The following GABRD variants were observed in gnomAD, a reference collection of about 807,000 sequenced individuals.
GABRD encodes the protein gamma-aminobutyric acid receptor subunit delta.
A neutral mutation model predicts 47.3 loss-of-function variants in GABRD; 25 were observed. The ratio of observed to expected loss-of-function variants is 0.53; its 90% CI spans 0.39 to 0.74. The LOEUF (loss-of-function observed/expected upper bound fraction) is 0.74. Among genes scored for constraint, GABRD ranks in the 30% least tolerant of loss-of-function variants. The pLI, the probability that GABRD is intolerant of heterozygous loss-of-function variation, is 0.00. For synonymous variants in GABRD, 314 were observed against 278.8 expected (o/e 1.13, Z -1.26); for missense variants, 497 against 643.4 (o/e 0.77, Z 2.46).
In GABRD at chr1:2,029,123, C is replaced by T; in HGVS notation, c.704C>T (p.Pro235Leu). The change falls in exon 7 of 9, where the codon CCA becomes CTA. Residue 235 changes from proline (P) to leucine (L), a missense_variant. By Grantham distance (98) the Pro-to-Leu change is moderately conservative (BLOSUM62 -3). Transcript: ENST00000378585. The stretch of plus-strand genomic sequence containing the variant: ...GCTGTCCTGGCAGCTGGCCAGTTCC[C>T]ACGGCTCAGCCTGCACTTCCACCTG... ...LMNFKSAGQF[P>L]RLSLHFHLRR... The T allele has an allele frequency of 6.5e-7, 1 of 1,542,452 alleles. No individual in the cohort carries two copies. The highest frequency in any genetic ancestry group is 8.7e-7 in the Non-Finnish European group (1 of 1,146,942).
chr1:2,021,292 G>A (rs553640291), intron 1 of GABRD, among the ~76,000 whole-genome samples: 5 of 152,312 alleles, frequency 3.3e-5, no homozygotes, highest in East Asian at 1.9e-4. Context: ...TGCTCTTGGC[G>A]TCTAGGGGCA....
rs934943057 is a variant in GABRD, at chr1:2,028,374, C to T, written c.691+82C>T. 92 of 1,317,294 alleles carry T rather than the reference C, an allele frequency of 7.0e-5. No homozygotes were observed. The highest frequency in any genetic ancestry group is 3.5e-4 in the Admixed American group (9 of 25,530). The allele number at this position is 1,317,294 out of a possible 1,614,324, so 81.6% of individuals were successfully genotyped here. ...CACCGCCCCTTCCGCGCGCGCCCACCGCCCCTTCCGCGTGCGCCCGCCTGT... is the reference window on the plus strand; with the variant it reads ...CACCGCCCCTTCCGCGCGCGCCCACTGCCCCTTCCGCGTGCGCCCGCCTGT... On this transcript the variant is annotated intron_variant, in intron 6 of 8. Coordinates refer to ENST00000378585, the MANE Select transcript of GABRD (RefSeq NM_000815.5). This position sits in a 1 kb window ranked among gnomAD's most constrained non-coding sequence, Gnocchi z 6.4.
chr1:2,027,116 T>C (rs1658949270), intron 4 of GABRD: 1 of 285,592 alleles, frequency 3.5e-6, no homozygotes, highest in Non-Finnish European at 6.7e-6. Context: ...TGAGTCAAGA[T>C]TGCACCACTG....
At chr1:2,019,795 C>T (rs1181826670) in intron 1 of GABRD, among the ~76,000 whole-genome samples, 1 of 152,154 alleles carries the variant, frequency 6.6e-6, no homozygotes, top group African/African-American at 2.4e-5. Flanking sequence ...TCCCCTGCTC[C>T]GCGGCGCGCG....
rs539396639 is a variant in GABRD at position 2,030,015 on chromosome 1, C to T, written c.1092C>T (p.Ser364=). 2 of 1,612,746 alleles carry T rather than the reference C, an allele frequency of 1.2e-6. No individual in the cohort carries two copies. Among genetic ancestry groups the T allele is most frequent in the East Asian group, 2.2e-5 (1 of 44,882 alleles). The change falls in exon 9 of 9, where the codon TCC becomes TCT. Residue 364 remains serine (S), a synonymous_variant. Coordinates refer to ENST00000378585, the MANE Select transcript of GABRD (RefSeq NM_000815.5). ...TGAGGAACGCCATTGTCCTCTTCTC[C>T]CTCTCTGCTGCCGGCGTCACGCAGG... The part of the protein sequence containing the change: ...MDVRNAIVLF[S]LSAAGVTQEL...
At chr1:2,022,403 C>T (rs141315001) in intron 1 of GABRD, 5,479 of 152,436 alleles carry the variant, frequency 0.036, 226 homozygotes, top group Admixed American at 0.12. Flanking sequence ...TGAGAAATGG[C>T]GTGGGGGTGG....
In GABRD at chr1:2,028,326, C is replaced by T. The variant is rs1311068731; in HGVS notation, c.691+34C>T. 6.3e-7 allele frequency: 1 copy of T among 1,587,604 alleles called. No homozygotes were observed. The highest frequency in any genetic ancestry group is 1.4e-5 in the African/African-American group (1 of 73,990). ...TGCCCGCCGCCCCTTCCGCATGTGC[C>T]CGCCGCCCCTTCCGCGCGCGCCCAC... On this transcript the variant is annotated intron_variant, in intron 6 of 8. Coordinates refer to ENST00000378585, the MANE Select transcript of GABRD (RefSeq NM_000815.5). This position sits in a 1 kb window ranked among gnomAD's most constrained non-coding sequence, Gnocchi z 6.4.
chr1:2,019,889 G>T (rs1464247588), intron 1 of GABRD, among the ~76,000 whole-genome samples: 1 of 152,194 alleles, frequency 6.6e-6, no homozygotes, highest in Non-Finnish European at 1.5e-5. Flanking sequence ...AACTCGGTGC[G>T]GGGAGGCTGC....
chr1:2,027,198 G>T, intron 4 of GABRD: 1 of 337,316 alleles, frequency 3.0e-6, no homozygotes, highest in South Asian at 2.5e-5. Flanking sequence ...TTTTACATAG[G>T]AATTTAAATA....
chr1:2,025,792 C>A, intron 4 of GABRD, 54 bp downstream of exon 4: 1 of 1,532,152 alleles, frequency 6.5e-7, no homozygotes, highest in Non-Finnish European at 9.0e-7. Context: ...GGCCAAGCGT[C>A]GGCGCCTGGA....
Position 2,028,942 on chromosome 1 carries a change from G to T in GABRD, c.692-169G>T, listed in dbSNP as rs1021816965. The T allele has an allele frequency of 8.8e-6, 7 of 793,964 alleles. 1 individual carries two copies. The South Asian group carries it at 1.1e-4, about 12-fold the overall frequency. 49.2% of individuals were successfully genotyped at this position (793,964 alleles called of 1,614,324 possible). ...CTGTCCTGTGGCCAGACCTAGGGCC[G>T]GAGGCCCCCTGACATTTCAGGCCAT... is the stretch of plus-strand genomic sequence containing the variant. On this transcript the variant is annotated intron_variant, in intron 6 of 8. Coordinates refer to ENST00000378585, the MANE Select transcript of GABRD (RefSeq NM_000815.5). This position sits in a 1 kb window ranked among gnomAD's most constrained non-coding sequence, Gnocchi z 6.4.
At chr1:2,025,158 C>G (rs1193848612) in intron 2 of GABRD, 104 bp downstream of exon 2, 1 of 1,279,846 alleles carries the variant, frequency 7.8e-7, no homozygotes, top group South Asian at 1.3e-5. Context: ...GCAAGGAAGC[C>G]TGGCTCTCCC....
intron 1 of GABRD, among the ~76,000 whole-genome samples, chr1:2,021,359 C>T (rs185596832): frequency 1.3e-5 from 2 of 152,274 alleles, no homozygotes; most frequent in Admixed American, 6.5e-5. Context: ...TAGGGGCCAC[C>T]TTCAGACTTA....
chr1:2,027,167 A>G, intron 4 of GABRD: 1 of 328,218 alleles, frequency 3.0e-6, no homozygotes, highest in Non-Finnish European at 5.9e-6. Flanking sequence ...TGTCTCATAA[A>G]CAAACAAAAA....
chr1:2,029,343 G>T (rs1373301656), intron 7 of GABRD, 77 bp downstream of exon 7: 4 of 1,494,170 alleles, frequency 2.7e-6, no homozygotes, highest in Non-Finnish European at 3.6e-6. Context: ...CCTCGGCTGG[G>T]GGCTCAGCAC....
At chr1:2,019,857 T>G (rs1324199539) in intron 1 of GABRD, among the ~76,000 whole-genome samples, 1 of 152,114 alleles carries the variant, frequency 6.6e-6, no homozygotes, top group Admixed American at 6.5e-5. Flanking sequence ...GGCGGGTGCC[T>G]TGAGGAGAGG....
chr1:2,027,558 G>GC lies in GABRD; in HGVS notation c.471-17dup. 6.2e-7 allele frequency: 1 copy of GC among 1,609,646 alleles called. No homozygotes were observed. The highest frequency in any genetic ancestry group is 8.5e-7 in the Non-Finnish European group (1 of 1,177,612). The stretch of plus-strand genomic sequence containing the variant: ...CTGGCCTCACCCCCAAGGCCTCACT[G>GC]CCATGCTTGTCTTGGCAGAATCACC... On this transcript the variant is annotated intron_variant, in intron 4 of 8. Transcript: ENST00000378585.
intron 7 of GABRD, 97 bp from the exon 8 acceptor site, chr1:2,029,454 G>T: frequency 6.6e-7 from 1 of 1,525,528 alleles, no homozygotes; most frequent in Non-Finnish European, 8.9e-7. Context: ...TGGGGGTGGG[G>T]GGCAGCGGAC....
Position 2,028,165 on chromosome 1 carries a change from A to G in GABRD, c.564A>G (p.Ser188=), listed in dbSNP as rs554663245. 1.9e-6 allele frequency: 3 copies of G among 1,611,314 alleles called. No individual in the cohort carries two copies. The highest frequency in any genetic ancestry group is 3.3e-5 in the Admixed American group (2 of 59,938). ...CMLDLESYGY[S]SEDIVYYWSE... ...GTGCTTTTCCTCCAGACGGTTACTC[A>G]TCGGAGGACATCGTCTACTACTGGT... The change falls in exon 6 of 9, where the codon TCA becomes TCG. Residue 188 remains serine, a synonymous_variant. Coordinates refer to ENST00000378585, the MANE Select transcript of GABRD (RefSeq NM_000815.5). The surrounding 1 kb of genome is among the most constrained non-coding windows in gnomAD (Gnocchi z 6.4).
Sources: gnomAD v4.1 joint callset for allele counts (sites outside exome capture counted in the v4.1 genomes callset) on GRCh38, gnomAD v4.1.1 for gene constraint, Gnocchi (gnomAD v3.1) non-coding constraint, MANE v1.5 for transcripts, NCBI Gene and HGNC (gene_info 2026-07-23, HGNC 2026-07-21) for gene names.